ST8SIA5: variants seen among roughly 807,000 people sequenced by gnomAD.
ST8SIA5 encodes alpha-2,8-sialyltransferase 8E.
A neutral mutation model predicts 40.2 loss-of-function variants in ST8SIA5; 24 were observed. The observed-to-expected ratio is 0.60, with a 90% CI of 0.43 to 0.84. The LOEUF (loss-of-function observed/expected upper bound fraction) is 0.84. ST8SIA5 is among the 40% of genes least tolerant of loss of function. The probability of loss-of-function intolerance (pLI) is 0.00; values close to 1 mark genes in which losing one functional copy is unlikely to be tolerated. For synonymous variants in ST8SIA5, 198 were observed against 201.8 expected (o/e 0.98, Z 0.16); for missense variants, 465 against 498.5 (o/e 0.93, Z 0.64).
At chr18:46,695,824 G>C (rs1478518119) in intron 2 of ST8SIA5, among the ~76,000 whole-genome samples, 1 of 152,226 alleles carries the variant, frequency 6.6e-6, no homozygotes, top group East Asian at 1.9e-4. Flanking sequence ...AAACACCTGA[G>C]TTCAAATCAA....
rs113677331 is a variant in ST8SIA5 at position 46,750,091 on chromosome 18, C to G, written c.131+6287G>C. Among the ~76,000 whole-genome samples, 151 of 152,238 alleles carry G rather than the reference C, an allele frequency of 9.9e-4. 1 individual carries two copies. The highest frequency in any genetic ancestry group is 1.4e-3 in the Admixed American group (22 of 15,306). On this transcript the variant is annotated intron_variant, in intron 1 of 6. Transcript: ENST00000315087. ...TGGTAATTTGTTATAGCAGCCCAAACAAACTAAGATGTAAATCTAACAGAA... is the reference window on the plus strand; with the variant it reads ...TGGTAATTTGTTATAGCAGCCCAAAGAAACTAAGATGTAAATCTAACAGAA...
At chr18:46,736,117 A>C (rs1339514537) in intron 1 of ST8SIA5, among the ~76,000 whole-genome samples, 1 of 152,168 alleles carries the variant, frequency 6.6e-6, no homozygotes, top group Non-Finnish European at 1.5e-5. Flanking sequence ...TCATTTCAAC[A>C]CACAAACAAT....
chr18:46,682,834 T>C (rs1290493699), intron 5 of ST8SIA5, among the ~76,000 whole-genome samples: 1 of 152,198 alleles, frequency 6.6e-6, no homozygotes, highest in East Asian at 1.9e-4. Context: ...GACTGAAAGA[T>C]ACTCCACTGT....
At chr18:46,726,951 G>A (rs752839077) in intron 1 of ST8SIA5, among the ~76,000 whole-genome samples, 8 of 152,148 alleles carry the variant, frequency 5.3e-5, no homozygotes, top group Non-Finnish European at 1.0e-4. Flanking sequence ...AAAAACAAGT[G>A]CTTAACTGTG....
chr18:46,735,003 T>A (rs1268264103), intron 1 of ST8SIA5, among the ~76,000 whole-genome samples: 1 of 152,228 alleles, frequency 6.6e-6, no homozygotes, highest in Non-Finnish European at 1.5e-5. Flanking sequence ...ACCCTTAATG[T>A]GGGTAGGCAC....
chr18:46,710,411 C>CTGTCTTTTTCTTTCTCTCTCTTTCTT (rs1215737889), intron 1 of ST8SIA5, among the ~76,000 whole-genome samples: 2,049 of 128,500 alleles, frequency 0.016, 81 homozygotes, highest in East Asian at 0.14. Flanking sequence ...TTCTTTCTTT[C>CTGTCTTTTTCTTTCTCTCTCTTTCTT]TTTCTTTTTC....
chr18:46,725,970 AAAATATATATATATATATAT>A lies in ST8SIA5; in HGVS notation c.132-21326_132-21307del, dbSNP rs1421137360. The stretch of plus-strand genomic sequence containing the variant: ...ACCCCATCTCTACTTAAAAAAAAAA[AAAATATATATATATATATAT>A]ATATATATATATATATATATCCTGG... On this transcript the variant is annotated intron_variant, in intron 1 of 6. Coordinates refer to ENST00000315087, the MANE Select transcript of ST8SIA5 (RefSeq NM_013305.6). 1.6e-4 allele frequency among the ~76,000 whole-genome samples: 5 copies of A among 31,810 alleles called. 1 individual carries two copies. The highest frequency in any genetic ancestry group is 2.6e-4 in the Non-Finnish European group (5 of 19,034). The allele number at this position is 31,810 out of a possible 152,430, so 20.9% of individuals were successfully genotyped here.
At chr18:46,749,975 C>T (rs1238812546) in intron 1 of ST8SIA5, among the ~76,000 whole-genome samples, 1 of 152,136 alleles carries the variant, frequency 6.6e-6, no homozygotes, top group African/African-American at 2.4e-5. Flanking sequence ...AGGGCCCTCA[C>T]CAGAACCCAA....
At chr18:46,688,307 T>C (rs959958777) in intron 4 of ST8SIA5, among the ~76,000 whole-genome samples, 2 of 152,202 alleles carry the variant, frequency 1.3e-5, no homozygotes, top group Non-Finnish European at 2.9e-5. Context: ...GTGTTACAAA[T>C]AAGGAGATTG....
At chr18:46,711,988 G>A (rs2039737396) in intron 1 of ST8SIA5, among the ~76,000 whole-genome samples, 1 of 152,206 alleles carries the variant, frequency 6.6e-6, no homozygotes, top group Admixed American at 6.5e-5. Context: ...CCCCAGGTGT[G>A]CACCTCACAC....
chr18:46,755,993 C>T (rs1599162595), intron 1 of ST8SIA5, among the ~76,000 whole-genome samples: 1 of 152,288 alleles, frequency 6.6e-6, no homozygotes, highest in East Asian at 1.9e-4. Context: ...AACAAACAAT[C>T]GATACGATTT....
chr18:46,682,139 G>T, intron 5 of ST8SIA5, 75 bp from the exon 6 acceptor site: 1 of 1,089,640 alleles, frequency 9.2e-7, no homozygotes, highest in Non-Finnish European at 1.3e-6. Flanking sequence ...AGGGGGAGGG[G>T]AGGGATGGTG....
At chr18:46,724,139 T>G (rs1219949810) in intron 1 of ST8SIA5, among the ~76,000 whole-genome samples, 2 of 152,208 alleles carry the variant, frequency 1.3e-5, no homozygotes, top group Admixed American at 1.3e-4. Flanking sequence ...CTTCAAAGTC[T>G]TTGACTGCAA....
At chr18:46,725,878 T>C (rs1328847034) in intron 1 of ST8SIA5, among the ~76,000 whole-genome samples, 1 of 148,546 alleles carries the variant, frequency 6.7e-6, no homozygotes, top group African/African-American at 2.5e-5. Context: ...CCCAGCACTT[T>C]GGTAGGCCAT....
At chr18:46,743,877 C>A (rs1384037027) in intron 1 of ST8SIA5, among the ~76,000 whole-genome samples, 1 of 152,282 alleles carries the variant, frequency 6.6e-6, no homozygotes, top group East Asian at 1.9e-4. Context: ...CAGCAGAAAC[C>A]CTACAAGCCA....
At chr18:46,697,342 A>T (rs2039566995) in intron 2 of ST8SIA5, among the ~76,000 whole-genome samples, 1 of 152,280 alleles carries the variant, frequency 6.6e-6, no homozygotes, top group Admixed American at 6.5e-5. Flanking sequence ...CAACTATTGG[A>T]GGAACAAAAC....
In ST8SIA5 at chr18:46,676,918, G is replaced by C. The variant is rs2039342942; in HGVS notation, c.*3124C>G. The C allele has an allele frequency of 6.6e-6, 1 of 152,166 alleles. No homozygotes were observed. The highest frequency in any genetic ancestry group is 2.4e-5 in the African/African-American group (1 of 41,440). 9.4% of individuals were successfully genotyped at this position (152,166 alleles called of 1,614,324 possible). A position where few individuals can be genotyped will look rare whatever the true frequency, so the allele number is the denominator to read the frequency against. ...GCAGCAGAAAAACTATATCCTGAAA[G>C]TCAGGAGACTGGTGAGTCCCAGTTG... On this transcript the variant is annotated 3_prime_UTR_variant, in exon 7 of 7. Transcript: ENST00000315087.
chr18:46,681,833 A>T, intron 6 of ST8SIA5, 139 bp downstream of exon 6: 2 of 730,558 alleles, frequency 2.7e-6, no homozygotes, highest in Admixed American at 5.8e-5. Flanking sequence ...TTTTTGTATT[A>T]AGTCTTTGAA....
Position 46,680,295 on chromosome 18 carries a change from C to G in ST8SIA5, c.878G>C (p.Gly293Ala). 6.2e-7 allele frequency: 1 copy of G among 1,614,234 alleles called. No homozygotes were observed. Among genetic ancestry groups the G allele is most frequent in the African/African-American group, 1.3e-5 (1 of 75,072 alleles). The change falls in exon 7 of 7, where the codon GGG (glycine) becomes GCG (alanine). Residue 293 changes from glycine (G) to alanine (A), a missense_variant. Gly to Ala is a moderately conservative substitution (Grantham distance 60). Transcript: ENST00000315087. ...VNVSRYWLSL[G>A]VRAKRISTGL... ...GGTGCTGATGCGCTTGGCGCGCACC[C>G]CCAGGCTGAGCCAGTAGCGCGACAC...
Sources: allele counts gnomAD v4.1 joint callset (sites outside exome capture counted in the v4.1 genomes callset), GRCh38; gene constraint gnomAD v4.1.1; transcripts MANE v1.5; gene names NCBI Gene and HGNC (gene_info 2026-07-23, HGNC 2026-07-21).